Variants in COPB2 observed in about 807,000 individuals in gnomAD.
COPB2 encodes coatomer subunit beta'.
Under a neutral mutation model 120.8 loss-of-function variants are expected in COPB2, and 16 were observed. The observed-to-expected ratio is 0.13, with a 90% confidence interval of 0.09 to 0.20. The LOEUF (loss-of-function observed/expected upper bound fraction) is 0.20, where lower values mean the gene tolerates loss of function less well. COPB2 is among the 10% of genes least tolerant of loss of function. The pLI is 1.00. For synonymous variants in COPB2, 332 were observed against 366.3 expected (o/e 0.91, Z 1.07); for missense variants, 794 against 1,076.5 (o/e 0.74, Z 3.67).
chr3:139,385,581 C>T (rs905545669), intron 1 of COPB2, among the ~76,000 whole-genome samples: 25 of 152,018 alleles, frequency 1.6e-4, no homozygotes, highest in African/African-American at 5.8e-4. Flanking sequence ...ATGGGAATGT[C>T]TGAAATATTT....
At position 139,387,127 on chromosome 3, in the gene COPB2, C is replaced by T. The variant is rs186935136; in HGVS notation, c.3+2421G>A. ...TCGGCAGGCTGAGGCTGCAGAATCA[C>T]TTGAATCTGGGAGGTGGAGGTTGCA... On this transcript the variant is annotated intron_variant, in intron 1 of 21. Coordinates refer to ENST00000333188, the MANE Select transcript of COPB2 (RefSeq NM_004766.3). Among the ~76,000 whole-genome samples the T allele has an allele frequency of 1.1e-3, 172 of 151,944 alleles. 3 individuals are homozygous for T. Among genetic ancestry groups the T allele is most frequent in the African/African-American group, 4.1e-3 (168 of 41,408 alleles).
chr3:139,359,083 C>T lies in COPB2; in HGVS notation c.2399G>A (p.Gly800Glu). ...DPTEYENLFP[G>E]LKEAFVVEEW... ...TTCAACAACAAAGGCTTCTTTTAATCCAGGGAACAGGTTTTCATACTCTGT... is the reference window on the plus strand; with the variant it reads ...TTCAACAACAAAGGCTTCTTTTAATTCAGGGAACAGGTTTTCATACTCTGT... Residue 800 changes from glycine to glutamate, a missense_variant, in exon 19 of 22, where the codon GGA (glycine) becomes GAA (glutamate). Physicochemically the swap from Gly to Glu is moderately conservative, Grantham distance 98. Around this residue, in one of 3 missense-constraint regions of COPB2, gnomAD observed 178 missense variants for 183.2 expected, o/e 0.97. Coordinates refer to ENST00000333188, the MANE Select transcript of COPB2 (RefSeq NM_004766.3). The T allele has an allele frequency of 6.2e-7, 1 of 1,614,080 alleles. No homozygotes were observed. Among genetic ancestry groups the T allele is most frequent in the Non-Finnish European group, 8.5e-7 (1 of 1,180,002 alleles).
At chr3:139,386,260 CTTG>C (rs146487806) in intron 1 of COPB2, among the ~76,000 whole-genome samples, 2,325 of 147,570 alleles carry the variant, frequency 0.016, 65 homozygotes, top group African/African-American at 0.053. Context: ...TTTCTACTTT[CTTG>C]TTTTTTTTTT....
intron 1 of COPB2, 97 bp downstream of exon 1, chr3:139,389,451 G>A (rs1389288566): frequency 2.1e-6 from 3 of 1,413,260 alleles, no homozygotes; most frequent in East Asian, 2.7e-5. Flanking sequence ...CGCAGCGGGA[G>A]CCCAGACCAC....
chr3:139,388,861 T>C (rs564015829), intron 1 of COPB2, among the ~76,000 whole-genome samples: 3 of 152,078 alleles, frequency 2.0e-5, no homozygotes, highest in African/African-American at 7.2e-5. Flanking sequence ...TTTCTTTCCT[T>C]ATTATTATAA....
In COPB2 at chr3:139,359,047, T is replaced by C; in HGVS notation, c.2435A>G (p.Lys812Arg). 7 of 1,614,108 alleles carry C rather than the reference T, an allele frequency of 4.3e-6. No individual in the cohort carries two copies. The highest frequency in any genetic ancestry group is 1.3e-5 in the African/African-American group (1 of 75,048). ...TGGCCACAGATCAGCATGTGTTTCC[T>C]TCACCCATTCTTCAACAACAAAGGC... ...KEAFVVEEWV[K>R]ETHADLWPAK... Residue 812 changes from lysine (K) to arginine (R), a missense_variant, in exon 19 of 22, where the codon AAG (lysine) becomes AGG (arginine). Physicochemically the swap from Lys to Arg is conservative, Grantham distance 26. Transcript: ENST00000333188.
intron 2 of COPB2, chr3:139,380,690 G>T (rs888453663): frequency 5.9e-5 from 9 of 152,172 alleles, no homozygotes; most frequent in African/African-American, 1.9e-4. Context: ...ATAGGGACCG[G>T]TTCATAAGAA....
chr3:139,374,394 T>C, intron 7 of COPB2, 95 bp downstream of exon 7: 1 of 1,031,012 alleles, frequency 9.7e-7, no homozygotes, highest in South Asian at 1.4e-5. Flanking sequence ...ATCAAAATCC[T>C]TGGAAACCTA....
At chr3:139,381,332 T>A (rs917784710) in intron 2 of COPB2, 1 of 152,234 alleles carries the variant, frequency 6.6e-6, no homozygotes, top group South Asian at 2.1e-4. Context: ...CCTTTTTACT[T>A]CCAAAAACCT....
intron 1 of COPB2, among the ~76,000 whole-genome samples, chr3:139,386,701 A>G (rs1941931585): frequency 6.6e-6 from 1 of 152,196 alleles, no homozygotes; most frequent in Non-Finnish European, 1.5e-5. Flanking sequence ...AACCATGGTG[A>G]GGGTTTTCAT....
intron 15 of COPB2, among the ~76,000 whole-genome samples, chr3:139,365,804 G>C (rs1941504605): frequency 6.6e-6 from 1 of 152,186 alleles, no homozygotes; most frequent in Non-Finnish European, 1.5e-5. Flanking sequence ...ACAATTGCAG[G>C]AAAGGAAAGC....
intron 15 of COPB2, 120 bp downstream of exon 15, chr3:139,366,447 GA>G: frequency 1.1e-6 from 1 of 888,452 alleles, no homozygotes; most frequent in Non-Finnish European, 1.7e-6. Context: ...ACTCACAGGA[GA>G]AATTCTATTG....
chr3:139,363,351 A>G (rs1271537807), intron 15 of COPB2, among the ~76,000 whole-genome samples: 1 of 152,174 alleles, frequency 6.6e-6, no homozygotes, highest in East Asian at 1.9e-4. Context: ...AGATTCTCAT[A>G]GGAGCATGAA....
rs186922212 is a variant in COPB2, at chr3:139,366,769, C to T, written c.1683G>A (p.Met561Ile). ...CTTTAGGAATGTAGCCTAGGAGATA[C>T]ATCGTCCTATAAAAGAAACAGAAAC... Reference protein sequence around the residue: ...IVTIAHLDRTMYLLGYIPKDN... With the variant: ...IVTIAHLDRTIYLLGYIPKDN... The change falls in exon 15 of 22, where the codon ATG becomes ATA. Residue 561 changes from methionine (M) to isoleucine (I), a missense_variant. Physicochemically the swap from Met to Ile is conservative, Grantham distance 10 (BLOSUM62 1). Transcript: ENST00000333188. 5.0e-6 allele frequency: 8 copies of T among 1,612,574 alleles called. No homozygotes were observed. The Admixed American group carries it at 1.2e-4, about 24-fold the overall frequency.
At chr3:139,368,046 C>A (rs1025430385) in intron 13 of COPB2, 99 bp downstream of exon 13, 54 of 1,346,074 alleles carry the variant, frequency 4.0e-5, no homozygotes, top group Non-Finnish European at 5.0e-5. Flanking sequence ...CTCCCTACAC[C>A]TAATTTATAA....
At chr3:139,370,414 T>G (rs771292849) in intron 10 of COPB2, among the ~76,000 whole-genome samples, 3 of 152,248 alleles carry the variant, frequency 2.0e-5, no homozygotes, top group Non-Finnish European at 4.4e-5. Flanking sequence ...ACTTATGAGT[T>G]GTTTATTTCT....
At chr3:139,362,232 T>C (rs766921953) in intron 16 of COPB2, among the ~76,000 whole-genome samples, 175 bp downstream of exon 16, 2 of 152,226 alleles carry the variant, frequency 1.3e-5, no homozygotes, top group Non-Finnish European at 1.5e-5. Context: ...ATTTAACTTA[T>C]GCAAAGTTTA....
chr3:139,370,858 C>T (rs112188378), intron 10 of COPB2, among the ~76,000 whole-genome samples: 7 of 152,186 alleles, frequency 4.6e-5, no homozygotes, highest in African/African-American at 1.7e-4. Flanking sequence ...CCTTTGAATA[C>T]ATAGAACTGT....
intron 5 of COPB2, 83 bp downstream of exon 5, chr3:139,377,958 T>C: frequency 1.5e-6 from 2 of 1,312,496 alleles, no homozygotes; most frequent in Non-Finnish European, 2.0e-6. Flanking sequence ...GATGGGTACA[T>C]TTCTGACCAG....
Sources: gnomAD v4.1 joint callset for allele counts (sites outside exome capture counted in the v4.1 genomes callset) on GRCh38, gnomAD v4.1.1 for gene constraint, gnomAD v4.1.1 regional missense constraint, MANE v1.5 for transcripts, NCBI Gene and HGNC (gene_info 2026-07-23, HGNC 2026-07-21) for gene names.